Variants in PARN observed in about 807,000 individuals in gnomAD.
The protein encoded by PARN is poly(A)-specific ribonuclease.
In PARN, 71 loss-of-function variants were observed where a neutral mutation model predicts 102.8. The observed-to-expected ratio is 0.69, with a 90% CI of 0.57 to 0.84. The LOEUF (loss-of-function observed/expected upper bound fraction) is 0.84, where lower values mean the gene tolerates loss of function less well. Ranked by LOEUF, PARN falls within the 40% of genes least tolerant of loss-of-function variation. The pLI, the probability that PARN is intolerant of heterozygous loss-of-function variation, is 0.00. For missense variants in PARN, 782 were observed against 760.9 expected (o/e 1.03, Z -0.33); for synonymous variants, 261 against 252.9 (o/e 1.03, Z -0.30).
At chr16:14,547,219 A>G (rs1410046813) in intron 21 of PARN, among the ~76,000 whole-genome samples, 1 of 152,158 alleles carries the variant, frequency 6.6e-6, no homozygotes, top group Non-Finnish European at 1.5e-5. Context: ...CTTCATCTGA[A>G]GAGCCAGAGG....
rs75089662 is a variant in PARN, at chr16:14,628,345, C to T, written c.98-94G>A. On this transcript the variant is annotated intron_variant, in intron 2 of 23. Transcript: ENST00000437198. ...TCAGTGCCTCTATAATGTCGTATCA[C>T]GAATTAAGGTTACTTGGAAGCACTC... 8.3e-4 allele frequency: 580 copies of T among 702,640 alleles called. 3 individuals are homozygous for T. Among genetic ancestry groups the T allele is most frequent in the Non-Finnish European group, 8.3e-5 (34 of 407,650 alleles). The allele number at this position is 702,640 out of a possible 1,614,324, so 43.5% of individuals were successfully genotyped here.
chr16:14,500,605 A>G (rs1026300417), intron 21 of PARN, among the ~76,000 whole-genome samples: 7 of 152,182 alleles, frequency 4.6e-5, no homozygotes, highest in African/African-American at 1.4e-4. Flanking sequence ...TTTCCCTAGA[A>G]AAAAATATTA....
rs116171699 is a variant in PARN at position 14,548,925 on chromosome 16, G to A, written c.1480+3096C>T. Among the ~76,000 whole-genome samples the A allele has an allele frequency of 2.0e-3, 301 of 150,042 alleles. 1 individual carries two copies. Among genetic ancestry groups the A allele is most frequent in the African/African-American group, 7.0e-3 (284 of 40,770 alleles). On this transcript the variant is annotated intron_variant, in intron 21 of 23. Transcript: ENST00000437198. ...GTCGAGTTTGTGCCACCCCACTCTCGCCTGGGCAAAAGAAATGACCCTGTC... is the reference window on the plus strand; with the variant it reads ...GTCGAGTTTGTGCCACCCCACTCTCACCTGGGCAAAAGAAATGACCCTGTC...
intron 21 of PARN, among the ~76,000 whole-genome samples, chr16:14,531,603 C>T (rs943899113): frequency 1.3e-5 from 2 of 152,158 alleles, no homozygotes; most frequent in African/African-American, 4.8e-5. Flanking sequence ...AAAGACTAAC[C>T]TTCTACCATG....
At chr16:14,621,628 G>A (rs560884649) in intron 5 of PARN, among the ~76,000 whole-genome samples, 12 of 151,734 alleles carry the variant, frequency 7.9e-5, no homozygotes, top group Non-Finnish European at 1.2e-4. Context: ...TGGCTAATAC[G>A]GTGAAAACCC....
At chr16:14,595,335 T>C (rs1970434483) in intron 12 of PARN, among the ~76,000 whole-genome samples, 2 of 152,076 alleles carry the variant, frequency 1.3e-5, no homozygotes, top group South Asian at 2.1e-4. Flanking sequence ...AAGGCATGCA[T>C]ACACCCATGC....
chr16:14,466,978 AAG>A (rs1463515309), intron 22 of PARN, among the ~76,000 whole-genome samples: 2 of 147,888 alleles, frequency 1.4e-5, no homozygotes, highest in African/African-American at 2.4e-5. Flanking sequence ...GACCAAAAAA[AAG>A]AGGTAGGTGC....
intron 21 of PARN, among the ~76,000 whole-genome samples, chr16:14,513,113 C>T (rs999739683): frequency 6.6e-5 from 10 of 151,986 alleles, no homozygotes; most frequent in Non-Finnish European, 1.3e-4. Context: ...TTAGTAGAGA[C>T]GGGGTTTCAC....
At chr16:14,550,107 C>T (rs1279777444) in intron 21 of PARN, among the ~76,000 whole-genome samples, 1 of 152,176 alleles carries the variant, frequency 6.6e-6, no homozygotes, top group African/African-American at 2.4e-5. Flanking sequence ...TGAACTCAGT[C>T]TTCTTGCAGC....
Position 14,586,167 on chromosome 16 carries a change from G to C in PARN, c.962+151C>G, listed in dbSNP as rs947747082. 3 of 573,342 alleles carry C rather than the reference G, an allele frequency of 5.2e-6. No homozygotes were observed. In the African/African-American group the frequency reaches 5.8e-5, roughly 11 times the overall value. 35.5% of individuals were successfully genotyped at this position (573,342 alleles called of 1,614,324 possible). A position where few individuals can be genotyped will look rare whatever the true frequency, so the allele number is the denominator to read the frequency against. On this transcript the variant is annotated intron_variant, in intron 14 of 23. Transcript: ENST00000437198. ...AATTTTTTATTTTTTATAGATATGT[G>C]GTTTCACTATGTTGCCCAGGCTGGT...
intron 21 of PARN, among the ~76,000 whole-genome samples, chr16:14,512,436 T>C (rs1965239237): frequency 6.6e-6 from 1 of 152,046 alleles, no homozygotes; most frequent in Admixed American, 6.6e-5. Context: ...GAGGTTGCAG[T>C]GAGCCAAGAT....
intron 5 of PARN, among the ~76,000 whole-genome samples, chr16:14,625,013 CA>C (rs1022625530): frequency 4.7e-5 from 7 of 147,482 alleles, no homozygotes; most frequent in African/African-American, 5.0e-5. Context: ...AACTCCATCT[CA>C]AAAAAAAAAG....
rs149434062 is a variant in PARN at position 14,496,090 on chromosome 16, A to C, written c.1481-13263T>G. On this transcript the variant is annotated intron_variant, in intron 21 of 23. Transcript: ENST00000437198. The stretch of plus-strand genomic sequence containing the variant: ...TTTCCTCCTCAAAACCACCCCACAA[A>C]GTGGGTAACAATTCTCCTTCCATGG... Among the ~76,000 whole-genome samples, 290 of 152,306 alleles carry C rather than the reference A, an allele frequency of 1.9e-3. 2 individuals carry two copies. Among genetic ancestry groups the C allele is most frequent in the Non-Finnish European group, 3.4e-3 (228 of 68,002 alleles).
Position 14,629,577 on chromosome 16 carries a change from A to T in PARN, c.97+20T>A. 6.3e-7 allele frequency: 1 copy of T among 1,577,366 alleles called. No individual in the cohort carries two copies. Among genetic ancestry groups the T allele is most frequent in the Non-Finnish European group, 8.7e-7 (1 of 1,146,404 alleles). On this transcript the variant is annotated intron_variant, in intron 2 of 23. Transcript: ENST00000437198. ...CTATGCACTGCAAAGTGCTAGCCTG[A>T]GCTTGCAAGGGAGGGATACCTGAAA... is the stretch of plus-strand genomic sequence containing the variant.
At chr16:14,483,827 A>G (rs1344709444) in intron 21 of PARN, among the ~76,000 whole-genome samples, 2 of 152,220 alleles carry the variant, frequency 1.3e-5, no homozygotes, top group Non-Finnish European at 2.9e-5. Context: ...GAATTACACT[A>G]CATATGCATT....
rs117859874 is a variant in PARN at position 14,471,855 on chromosome 16, C to T, written c.1670+10783G>A. On this transcript the variant is annotated intron_variant, in intron 22 of 23. Transcript: ENST00000437198. ...TTTACACCTATATCTTTATCTTAAC[C>T]AAATTACATTTTTACAATTTGCTTG... 2.6e-5 allele frequency among the ~76,000 whole-genome samples: 4 copies of T among 152,292 alleles called. No homozygotes were observed. The East Asian group carries it at 7.7e-4, about 29-fold the overall frequency.
At chr16:14,553,717 A>T (rs1011578707) in intron 20 of PARN, among the ~76,000 whole-genome samples, 3 of 152,088 alleles carry the variant, frequency 2.0e-5, no homozygotes, top group African/African-American at 7.2e-5. Context: ...AGCAGAGAAG[A>T]CCTCCCCTGC....
chr16:14,582,609 T>C (rs753268527), intron 16 of PARN, among the ~76,000 whole-genome samples: 30 of 151,692 alleles, frequency 2.0e-4, no homozygotes, highest in Non-Finnish European at 4.3e-4. Flanking sequence ...CCTCTTCTGC[T>C]TGCTTTCTAA....
chr16:14,619,316 TG>T (rs1452667223), intron 5 of PARN, among the ~76,000 whole-genome samples: 1 of 150,946 alleles, frequency 6.6e-6, no homozygotes, highest in Non-Finnish European at 1.5e-5. Context: ...AACATTAGAC[TG>T]GGCTGGACAT....
Sources: gnomAD v4.1 joint callset for allele counts (sites outside exome capture counted in the v4.1 genomes callset) on GRCh38, gnomAD v4.1.1 for gene constraint, MANE v1.5 for transcripts, NCBI Gene and HGNC (gene_info 2026-07-23, HGNC 2026-07-21) for gene names.